The following LUZP2 variants were observed in gnomAD, a reference collection of about 807,000 sequenced individuals.
The protein encoded by LUZP2 is leucine zipper protein 2.
A neutral mutation model predicts 51.6 loss-of-function variants in LUZP2; 52 were observed. That is an observed-to-expected ratio of 1.01 (90% confidence interval 0.81 to 1.27). The LOEUF (loss-of-function observed/expected upper bound fraction) is 1.27. Among genes scored for constraint, LUZP2 ranks in the 50% most tolerant of loss-of-function variants. The pLI is 0.00. For synonymous variants in LUZP2, 154 were observed against 137.3 expected, an observed-to-expected ratio of 1.12 and a Z score of -0.85; for missense variants, 436 against 395.4, an observed-to-expected ratio of 1.10 and a Z score of -0.87.
chr11:24,765,074 G>T (rs1860130833), intron 5 of LUZP2, among the ~76,000 whole-genome samples: 1 of 151,980 alleles, frequency 6.6e-6, no homozygotes. Flanking sequence ...AAAAGCTTTG[G>T]TCTTTTTACA....
intron 9 of LUZP2, among the ~76,000 whole-genome samples, chr11:25,013,061 G>A (rs567227092): frequency 9.2e-5 from 14 of 152,228 alleles, no homozygotes; most frequent in African/African-American, 2.9e-4. Context: ...ATGAAATAAC[G>A]TCATTTTCAG....
intron 5 of LUZP2, among the ~76,000 whole-genome samples, chr11:24,776,796 A>G (rs1417201632): frequency 6.6e-6 from 1 of 152,162 alleles, no homozygotes; most frequent in Non-Finnish European, 1.5e-5. Flanking sequence ...GAAAATGATC[A>G]TCTCCATTTC....
intron 1 of LUZP2, among the ~76,000 whole-genome samples, chr11:24,565,792 A>T (rs1386188538): frequency 6.6e-6 from 1 of 152,166 alleles, no homozygotes; most frequent in Admixed American, 6.6e-5. Flanking sequence ...CAAAAAAGTA[A>T]ACAGTTTGTC....
At chr11:24,978,505 T>C (rs2133907644) in intron 8 of LUZP2, among the ~76,000 whole-genome samples, 1 of 151,848 alleles carries the variant, frequency 6.6e-6, no homozygotes, top group Non-Finnish European at 1.5e-5. Flanking sequence ...TCTTGGAATA[T>C]TCTTCGTTAT....
intron 5 of LUZP2, among the ~76,000 whole-genome samples, chr11:24,833,440 T>C (rs1173264934): frequency 6.6e-6 from 1 of 152,170 alleles, no homozygotes; most frequent in African/African-American, 2.4e-5. Flanking sequence ...TTTTCTCTCT[T>C]GGGGCTTTGC....
chr11:24,552,243 T>A (rs1049061342), intron 1 of LUZP2, among the ~76,000 whole-genome samples: 5 of 152,000 alleles, frequency 3.3e-5, no homozygotes, highest in Admixed American at 1.3e-4. Flanking sequence ...TTAACCTAGA[T>A]AAGTGAAGTT....
At chr11:24,655,523 TAAG>T (rs1855772677) in intron 1 of LUZP2, among the ~76,000 whole-genome samples, 1 of 152,092 alleles carries the variant, frequency 6.6e-6, no homozygotes, top group African/African-American at 2.4e-5. Context: ...TGTAGGTACT[TAAG>T]AGGGTAGTAT....
chr11:24,914,202 T>G (rs992898750), intron 6 of LUZP2, among the ~76,000 whole-genome samples: 4 of 152,086 alleles, frequency 2.6e-5, no homozygotes, highest in Admixed American at 2.0e-4. Flanking sequence ...TGACAGAAAT[T>G]TTGTGTGTTT....
chr11:24,539,946 G>T (rs559749965), intron 1 of LUZP2, among the ~76,000 whole-genome samples: 49 of 151,706 alleles, frequency 3.2e-4, no homozygotes, highest in African/African-American at 1.1e-3. Flanking sequence ...CCATTATTAT[G>T]ATATGTATGT....
chr11:24,962,572 C>T (rs1232321111), intron 7 of LUZP2, among the ~76,000 whole-genome samples: 2 of 152,248 alleles, frequency 1.3e-5, no homozygotes, highest in Non-Finnish European at 2.9e-5. Context: ...CCTGAGGCTT[C>T]TGCATTCTTC....
chr11:24,802,984 T>C (rs1238358215), intron 5 of LUZP2, among the ~76,000 whole-genome samples: 1 of 152,062 alleles, frequency 6.6e-6, no homozygotes, highest in African/African-American at 2.4e-5. Context: ...GAGAAATAAC[T>C]TTCTGTTATT....
Position 24,936,850 on chromosome 11 carries a change from T to C in LUZP2, c.522+22312T>C, listed in dbSNP as rs12284384. Among the ~76,000 whole-genome samples the C allele has an allele frequency of 2.0e-3, 311 of 152,252 alleles. 2 individuals are homozygous for C. Among genetic ancestry groups the C allele is most frequent in the African/African-American group, 7.1e-3 (295 of 41,550 alleles). On this transcript the variant is annotated intron_variant, in intron 7 of 11. Coordinates refer to ENST00000336930, the MANE Select transcript of LUZP2 (RefSeq NM_001009909.4). ...AATTTTTCATTCCAATTTCATAATCTCAACTCTTGTCAAGCTCATAACTAG... is the reference window on the plus strand; with the variant it reads ...AATTTTTCATTCCAATTTCATAATCCCAACTCTTGTCAAGCTCATAACTAG...
intron 9 of LUZP2, among the ~76,000 whole-genome samples, chr11:25,046,789 T>C (rs1202713506): frequency 5.3e-5 from 8 of 152,188 alleles, no homozygotes; most frequent in Non-Finnish European, 1.5e-5. Flanking sequence ...TAAAATCTTA[T>C]AATTTTTTAG....
rs114496397 is a variant in LUZP2, at chr11:25,029,317, A to G, written c.766-20721A>G. Among the ~76,000 whole-genome samples the G allele has an allele frequency of 5.3e-3, 812 of 152,298 alleles. 4 individuals carry two copies. The highest frequency in any genetic ancestry group is 0.019 in the African/African-American group (774 of 41,562). ...TGCTTAGTTCACATTGCATGCCTGA[A>G]TCAAAACATCTCATGTACTCCATAA... On this transcript the variant is annotated intron_variant, in intron 9 of 11. Coordinates refer to ENST00000336930, the MANE Select transcript of LUZP2 (RefSeq NM_001009909.4).
At chr11:24,791,883 A>G (rs1849418707) in intron 5 of LUZP2, among the ~76,000 whole-genome samples, 1 of 151,962 alleles carries the variant, frequency 6.6e-6, no homozygotes, top group Admixed American at 6.6e-5. Flanking sequence ...AGCAGTAAAA[A>G]CAGTGAGCAG....
intron 9 of LUZP2, among the ~76,000 whole-genome samples, chr11:24,983,798 C>T (rs988671828): frequency 3.0e-5 from 4 of 133,244 alleles, no homozygotes; most frequent in Admixed American, 8.4e-5. Flanking sequence ...GTTTTTTTTC[C>T]CAGACCTATT....
At chr11:24,733,258 T>A (rs976806378) in intron 3 of LUZP2, among the ~76,000 whole-genome samples, 3 of 151,792 alleles carry the variant, frequency 2.0e-5, no homozygotes, top group African/African-American at 7.2e-5. Context: ...CTCTTTAAAG[T>A]CTAATATTAA....
chr11:25,061,328 T>C (rs1858830664), intron 10 of LUZP2, among the ~76,000 whole-genome samples: 1 of 152,178 alleles, frequency 6.6e-6, no homozygotes, highest in African/African-American at 2.4e-5. Context: ...CATATAATAA[T>C]ATTGTGTCAG....
At chr11:24,941,938 C>T (rs1438667645) in intron 7 of LUZP2, among the ~76,000 whole-genome samples, 2 of 151,826 alleles carry the variant, frequency 1.3e-5, no homozygotes, top group Non-Finnish European at 2.9e-5. Flanking sequence ...ATTCCCTCTC[C>T]ATGCCCTGCT....
Sources: gnomAD v4.1 joint callset for allele counts (sites outside exome capture counted in the v4.1 genomes callset) on GRCh38, gnomAD v4.1.1 for gene constraint, MANE v1.5 for transcripts, NCBI Gene and HGNC (gene_info 2026-07-23, HGNC 2026-07-21) for gene names.